CNTN5: variants seen among roughly 807,000 people sequenced by gnomAD.
CNTN5 encodes the protein contactin-5.
A neutral mutation model predicts 129.1 loss-of-function variants in CNTN5; 77 were observed. That is an observed-to-expected ratio of 0.60 (90% CI 0.50 to 0.72). The LOEUF (loss-of-function observed/expected upper bound fraction) is 0.72, where lower values mean the gene tolerates loss of function less well. Ranked by LOEUF, CNTN5 falls within the 30% of genes least tolerant of loss-of-function variation. The pLI is 0.00. For missense variants in CNTN5, 1,478 were observed against 1,328.8 expected, an observed-to-expected ratio of 1.11 and a Z score of -1.75; for synonymous variants, 509 against 465.6, an observed-to-expected ratio of 1.09 and a Z score of -1.20.
chr11:99,805,755 A>T (rs1012635480), intron 3 of CNTN5, among the ~76,000 whole-genome samples: 3 of 152,218 alleles, frequency 2.0e-5, no homozygotes, highest in Non-Finnish European at 4.4e-5. Flanking sequence ...CAATTATTAT[A>T]CAAGTGTCTA....
At chr11:99,116,548 C>T (rs968728809) in intron 1 of CNTN5, among the ~76,000 whole-genome samples, 2 of 151,980 alleles carry the variant, frequency 1.3e-5, no homozygotes, top group African/African-American at 4.8e-5. Context: ...AATTGACCAA[C>T]AAAATAAATA....
intron 1 of CNTN5, among the ~76,000 whole-genome samples, chr11:99,249,608 A>G (rs185594326): frequency 6.6e-6 from 1 of 151,938 alleles, no homozygotes; most frequent in African/African-American, 2.4e-5. Context: ...TAGGTTTTTA[A>G]AAAGGGTATG....
chr11:99,737,536 T>A (rs557654085), intron 3 of CNTN5, among the ~76,000 whole-genome samples: 9 of 152,200 alleles, frequency 5.9e-5, no homozygotes, highest in Non-Finnish European at 1.0e-4. Flanking sequence ...TCTTTATTTC[T>A]GGTCTCTGTT....
At chr11:99,430,081 C>A (rs2135098953) in intron 2 of CNTN5, among the ~76,000 whole-genome samples, 1 of 152,084 alleles carries the variant, frequency 6.6e-6, no homozygotes, top group Non-Finnish European at 1.5e-5. Flanking sequence ...CAGAAGACCT[C>A]AAAAGAGGGG....
intron 1 of CNTN5, among the ~76,000 whole-genome samples, chr11:99,147,336 A>G (rs1306851655): frequency 1.3e-5 from 2 of 152,194 alleles, no homozygotes; most frequent in African/African-American, 4.8e-5. Flanking sequence ...TATATTTACA[A>G]TTCTAATGTT....
At chr11:99,262,068 T>C (rs1158390402) in intron 1 of CNTN5, among the ~76,000 whole-genome samples, 2 of 152,044 alleles carry the variant, frequency 1.3e-5, no homozygotes, top group African/African-American at 2.4e-5. Context: ...ATGTAGTCCC[T>C]GAGATTCATG....
At chr11:99,534,252 G>T (rs1947818792) in intron 2 of CNTN5, among the ~76,000 whole-genome samples, 1 of 152,136 alleles carries the variant, frequency 6.6e-6, no homozygotes, top group Admixed American at 6.5e-5. Flanking sequence ...AAGCACGATA[G>T]TGTAATTACC....
intron 7 of CNTN5, among the ~76,000 whole-genome samples, chr11:99,943,953 G>A (rs1404050097): frequency 2.6e-5 from 4 of 152,042 alleles, no homozygotes; most frequent in African/African-American, 7.2e-5. Flanking sequence ...AGCATAGTTT[G>A]AAGTCAGGTA....
chr11:99,152,463 A>G (rs1328894979), intron 1 of CNTN5, among the ~76,000 whole-genome samples: 1 of 152,130 alleles, frequency 6.6e-6, no homozygotes, highest in Non-Finnish European at 1.5e-5. Flanking sequence ...TGGAATAGCA[A>G]CTTCTGCTTT....
chr11:100,135,488 T>A (rs1946495929), intron 13 of CNTN5, among the ~76,000 whole-genome samples: 1 of 152,130 alleles, frequency 6.6e-6, no homozygotes, highest in Non-Finnish European at 1.5e-5. Context: ...AAAGATTTTT[T>A]AAAAGAATTA....
At chr11:100,013,122 G>A (rs1940621536) in intron 9 of CNTN5, among the ~76,000 whole-genome samples, 1 of 152,142 alleles carries the variant, frequency 6.6e-6, no homozygotes, top group African/African-American at 2.4e-5. Flanking sequence ...ACTTACAAAT[G>A]GGAGCCAAAT....
chr11:99,107,356 T>A (rs1009619474), intron 1 of CNTN5, among the ~76,000 whole-genome samples: 3 of 152,200 alleles, frequency 2.0e-5, no homozygotes, highest in African/African-American at 4.8e-5. Context: ...TTGGTTTTTT[T>A]AAAATAGATT....
intron 2 of CNTN5, among the ~76,000 whole-genome samples, chr11:99,526,470 CA>C (rs1251206456): frequency 5.3e-5 from 8 of 152,162 alleles, no homozygotes; most frequent in African/African-American, 1.9e-4. Context: ...TAGTTTTATG[CA>C]AGAATAGCTC....
chr11:99,384,649 A>G (rs1302300752), intron 2 of CNTN5, among the ~76,000 whole-genome samples: 1 of 152,224 alleles, frequency 6.6e-6, no homozygotes, highest in African/African-American at 2.4e-5. Flanking sequence ...TGGATCTGTC[A>G]ATTCAACCAG....
chr11:99,084,995 A>G (rs1377160017), intron 1 of CNTN5, among the ~76,000 whole-genome samples: 2 of 152,070 alleles, frequency 1.3e-5, no homozygotes, highest in Non-Finnish European at 2.9e-5. Flanking sequence ...TTTTCACATT[A>G]TGTTGGTGAG....
intron 2 of CNTN5, among the ~76,000 whole-genome samples, chr11:99,327,788 A>G (rs1591527954): frequency 4.6e-5 from 7 of 152,032 alleles, no homozygotes; most frequent in Admixed American, 3.9e-4. Context: ...GACACAACCA[A>G]CTCAGTTCCT....
At chr11:100,323,817 A>G (rs938977625) in intron 21 of CNTN5, among the ~76,000 whole-genome samples, 1 of 151,696 alleles carries the variant, frequency 6.6e-6, no homozygotes, top group Non-Finnish European at 1.5e-5. Context: ...TTATTGCTCT[A>G]TTTTGAACAT....
At chr11:100,128,533 T>G (rs540986100) in intron 13 of CNTN5, among the ~76,000 whole-genome samples, 2 of 152,176 alleles carry the variant, frequency 1.3e-5, no homozygotes, top group African/African-American at 4.8e-5. Context: ...AACATTTCTT[T>G]CTTTATTCCT....
intron 3 of CNTN5, among the ~76,000 whole-genome samples, chr11:99,792,321 T>A (rs1460679501): frequency 6.6e-6 from 1 of 152,160 alleles, no homozygotes; most frequent in East Asian, 1.9e-4. Context: ...TGTTGAAATT[T>A]ATCAAAAGCC....
Sources: gnomAD v4.1 joint callset for allele counts (sites outside exome capture counted in the v4.1 genomes callset) on GRCh38, gnomAD v4.1.1 for gene constraint, MANE v1.5 for transcripts, NCBI Gene and HGNC (gene_info 2026-07-23, HGNC 2026-07-21) for gene names.